PCDH11X: variants seen among roughly 807,000 people sequenced by gnomAD.
PCDH11X encodes the protein protocadherin 11 X-linked.
Under a neutral mutation model 53.3 loss-of-function variants are expected in PCDH11X, and 18 were observed. That is an observed-to-expected ratio of 0.34 (90% CI 0.23 to 0.50). PCDH11X has a LOEUF of 0.50. PCDH11X is among the 20% of genes least tolerant of loss of function. The probability of loss-of-function intolerance (pLI) is 0.98; values close to 1 mark genes in which losing one functional copy is unlikely to be tolerated. For synonymous variants in PCDH11X, 279 were observed against 393.3 expected, an observed-to-expected ratio of 0.71 and a Z score of 3.44; for missense variants, 570 against 1,032.4, an observed-to-expected ratio of 0.55 and a Z score of 6.14.
At chrX:91,806,031 G>A (rs1457932601) in intron 1 of PCDH11X, among the ~76,000 whole-genome samples, 3 of 112,144 alleles carry the variant, frequency 2.7e-5, no homozygotes, top group African/African-American at 9.7e-5. Context: ...GACTGTAAAA[G>A]TGGGTGTGGG....
At chrX:92,364,836 G>T (rs1201071664) in intron 8 of PCDH11X, among the ~76,000 whole-genome samples, 2 of 92,376 alleles carry the variant, frequency 2.2e-5, no homozygotes, top group East Asian at 6.4e-4. Context: ...GGGCTGTAGT[G>T]CACTAAAAAG....
At chrX:91,791,716 A>G (rs1935546331) in intron 1 of PCDH11X, among the ~76,000 whole-genome samples, 1 of 104,786 alleles carries the variant, frequency 9.5e-6, no homozygotes, top group Non-Finnish European at 1.9e-5. Flanking sequence ...AATCCAAAAT[A>G]TACAAAAAGG....
chrX:92,570,139 CA>C (rs1380921317), intron 10 of PCDH11X, among the ~76,000 whole-genome samples: 1 of 108,941 alleles, frequency 9.2e-6, no homozygotes, highest in Non-Finnish European at 1.9e-5. Flanking sequence ...TTAAATTTTG[CA>C]GGAGCTATAG....
intron 8 of PCDH11X, among the ~76,000 whole-genome samples, chrX:92,267,969 TGGCCCCCAAAA>T (rs781684230): frequency 1.6e-4 from 18 of 111,979 alleles, no homozygotes; most frequent in Non-Finnish European, 2.4e-4. Flanking sequence ...CTAATTCTAA[TGGCCCCCAAAA>T]GGCCCCATCT....
intron 10 of PCDH11X, among the ~76,000 whole-genome samples, chrX:92,498,689 C>A (rs1266218006): frequency 9.5e-6 from 1 of 105,777 alleles, no homozygotes; most frequent in Admixed American, 1.1e-4. Context: ...GAGGCTGTTG[C>A]AAACTATAAA....
intron 9 of PCDH11X, among the ~76,000 whole-genome samples, chrX:92,447,443 C>T (rs1255261422): frequency 9.0e-6 from 1 of 111,279 alleles, no homozygotes; most frequent in East Asian, 2.9e-4. Flanking sequence ...ATAAATGGGG[C>T]CAAGGTACAG....
Position 91,803,020 on chromosome X carries a change from T to C in PCDH11X, c.-378-6446T>C, listed in dbSNP as rs140793707. ...GTTGAGACTTCCGATTTAATGTTAA[T>C]ATGAGTTCCTGAAAAATGAAACACA... On this transcript the variant is annotated intron_variant, in intron 1 of 10. Transcript: ENST00000682573. 6.6e-3 allele frequency among the ~76,000 whole-genome samples: 741 copies of C among 111,863 alleles called. 4 individuals are homozygous for C. Among genetic ancestry groups the C allele is most frequent in the Non-Finnish European group, 0.01 (557 of 53,061 alleles).
intron 10 of PCDH11X, among the ~76,000 whole-genome samples, chrX:92,555,409 C>A (rs72608332): frequency 0.11 from 12,265 of 111,162 alleles, 523 homozygotes; most frequent in Admixed American, 0.22. Context: ...GGTTATTTTT[C>A]AACTTCTCAA....
At chrX:92,474,891 C>T (rs1459588667) in intron 10 of PCDH11X, among the ~76,000 whole-genome samples, 8 of 109,545 alleles carry the variant, frequency 7.3e-5, no homozygotes, top group South Asian at 7.8e-4. Flanking sequence ...TTTGGCCGGG[C>T]GCGGTGGCTC....
intron 4 of PCDH11X, among the ~76,000 whole-genome samples, chrX:91,812,704 T>G (rs2147562584): frequency 9.0e-6 from 1 of 111,379 alleles, no homozygotes; most frequent in South Asian, 3.7e-4. Flanking sequence ...AAATCATTCC[T>G]TACCTCTCAA....
At chrX:92,232,201 T>A (rs756755370) in intron 7 of PCDH11X, among the ~76,000 whole-genome samples, 18 of 111,556 alleles carry the variant, frequency 1.6e-4, no homozygotes, top group Non-Finnish European at 3.4e-4. Flanking sequence ...ATAGAACAGA[T>A]GTATGGTGGT....
chrX:92,278,434 G>A (rs761332012), intron 8 of PCDH11X, among the ~76,000 whole-genome samples: 1 of 111,739 alleles, frequency 8.9e-6, no homozygotes, highest in East Asian at 2.8e-4. Flanking sequence ...TTTCACGTGG[G>A]TGCAGGCGGG....
At chrX:92,294,549 C>A (rs1249529721) in intron 8 of PCDH11X, among the ~76,000 whole-genome samples, 4 of 112,042 alleles carry the variant, frequency 3.6e-5, no homozygotes, top group Non-Finnish European at 7.5e-5. Context: ...GAAATATGCT[C>A]ATTAATTAAG....
At chrX:92,555,763 A>T (rs1437659274) in intron 10 of PCDH11X, among the ~76,000 whole-genome samples, 2 of 111,149 alleles carry the variant, frequency 1.8e-5, no homozygotes, top group Non-Finnish European at 3.8e-5. Context: ...AGAATTATTG[A>T]TCAAAAGTCT....
At chrX:91,799,277 T>C (rs1303264098) in intron 1 of PCDH11X, among the ~76,000 whole-genome samples, 1 of 111,340 alleles carries the variant, frequency 9.0e-6, no homozygotes, top group Non-Finnish European at 1.9e-5. Context: ...ATAGATAAAA[T>C]TTCTATTATC....
intron 1 of PCDH11X, among the ~76,000 whole-genome samples, chrX:91,783,891 G>A (rs137869325): frequency 3.0e-4 from 34 of 112,034 alleles, no homozygotes; most frequent in African/African-American, 1.0e-3. Context: ...TGTGATAAAT[G>A]GTGTAATTGA....
intron 6 of PCDH11X, chrX:91,982,557 T>C (rs970511707): frequency 2.3e-5 from 10 of 432,024 alleles, no homozygotes; most frequent in African/African-American, 1.3e-4. Context: ...TAGCAATACT[T>C]GCGTCCCAGA....
chrX:91,910,994 C>A (rs193151208), intron 6 of PCDH11X, among the ~76,000 whole-genome samples: 552 of 110,838 alleles, frequency 5.0e-3, no homozygotes, highest in Middle Eastern at 0.014. Flanking sequence ...AAAAGCGGAA[C>A]CAAAACTAAC....
intron 4 of PCDH11X, among the ~76,000 whole-genome samples, chrX:91,818,817 C>T (rs1936538533): frequency 9.0e-6 from 1 of 111,472 alleles, no homozygotes; most frequent in Admixed American, 9.6e-5. Flanking sequence ...AGTATGATGG[C>T]ATTTCAATTG....
Sources: gnomAD v4.1 joint callset for allele counts (sites outside exome capture counted in the v4.1 genomes callset) on GRCh38, gnomAD v4.1.1 for gene constraint, MANE v1.5 for transcripts, NCBI Gene and HGNC (gene_info 2026-07-23, HGNC 2026-07-21) for gene names.